The following RUNX1 variants were observed in gnomAD, a reference collection of about 807,000 sequenced individuals.
The protein encoded by RUNX1 is RUNX family transcription factor 1, also known as runt-related transcription factor 1.
Under a neutral mutation model 42.8 loss-of-function variants are expected in RUNX1, and 19 were observed. The ratio of observed to expected loss-of-function variants is 0.44; its 90% CI spans 0.31 to 0.65. The LOEUF is 0.65. Among genes scored for constraint, RUNX1 ranks in the 30% least tolerant of loss-of-function variants. RUNX1 has a pLI of 0.07. For synonymous variants in RUNX1, 271 were observed against 289.4 expected (o/e 0.94, Z 0.64); for missense variants, 528 against 672.0 (o/e 0.79, Z 2.37).
chr21:34,833,442 GCCTGGAAAC>G (rs2057094876), intron 7 of RUNX1: 1 of 152,226 alleles, frequency 6.6e-6, no homozygotes, highest in Non-Finnish European at 1.5e-5. Context: ...AGAGCTACTG[GCCTGGAAAC>G]CCAAAGGAAC....
chr21:34,873,744 A>G (rs1256889433), intron 5 of RUNX1, among the ~76,000 whole-genome samples: 2 of 152,228 alleles, frequency 1.3e-5, no homozygotes, highest in African/African-American at 4.8e-5. Context: ...ATGTACTGGA[A>G]TCCCAAATCA....
At position 34,937,475 on chromosome 21, in the gene RUNX1, G is replaced by T. The variant is rs184428371; in HGVS notation, c.59-44512C>A. On this transcript the variant is annotated intron_variant, in intron 2 of 8. Transcript: ENST00000675419. Reference sequence around the variant, plus strand: ...TCAGTATATACATTTTATCTCCTTTGTAAGATACAACTTAATAATAAATTA... The same window carrying T: ...TCAGTATATACATTTTATCTCCTTTTTAAGATACAACTTAATAATAAATTA... Among the ~76,000 whole-genome samples, 3 of 151,960 alleles carry T rather than the reference G, an allele frequency of 2.0e-5. No individual in the cohort carries two copies. In the East Asian group the frequency reaches 5.8e-4, roughly 29 times the overall value.
chr21:34,952,856 C>G (rs1487330253), intron 2 of RUNX1, among the ~76,000 whole-genome samples: 1 of 152,092 alleles, frequency 6.6e-6, no homozygotes, highest in African/African-American at 2.4e-5. Context: ...GTATGTAGGT[C>G]TTTTTATCTT....
rs116944950 is a variant in RUNX1, at chr21:34,981,297, G to A, written c.58+67545C>T. Among the ~76,000 whole-genome samples, 76 of 152,296 alleles carry A rather than the reference G, an allele frequency of 5.0e-4. No individual in the cohort carries two copies. In the East Asian group the frequency reaches 0.011, roughly 21 times the overall value. ...CCTGGGACACACACTTAATTCTGCT[G>A]GTGACAGAATGACAAATCTGTTATT... is the stretch of plus-strand genomic sequence containing the variant. On this transcript the variant is annotated intron_variant, in intron 2 of 8. Transcript: ENST00000675419.
chr21:34,913,611 T>C (rs566546246), intron 2 of RUNX1, among the ~76,000 whole-genome samples: 1 of 152,270 alleles, frequency 6.6e-6, no homozygotes, highest in African/African-American at 2.4e-5. Flanking sequence ...AATGCATACT[T>C]TGCACCACCC....
intron 2 of RUNX1, among the ~76,000 whole-genome samples, chr21:35,028,223 C>T (rs1333341738): frequency 6.6e-6 from 1 of 152,156 alleles, no homozygotes; most frequent in African/African-American, 2.4e-5. Flanking sequence ...GATGCAGATT[C>T]TTGGGCCTCT....
chr21:34,871,116 C>T (rs536682047), intron 5 of RUNX1, among the ~76,000 whole-genome samples: 104 of 152,282 alleles, frequency 6.8e-4, no homozygotes, highest in Non-Finnish European at 1.3e-3. Flanking sequence ...CCCACTTCCT[C>T]GGGGCTCCTG....
At chr21:34,849,203 A>C (rs1474329226) in intron 6 of RUNX1, among the ~76,000 whole-genome samples, 1 of 124,680 alleles carries the variant, frequency 8.0e-6, no homozygotes, top group Non-Finnish European at 1.6e-5. Flanking sequence ...GATTGATTCC[A>C]TTGTGTTACT....
chr21:34,851,223 G>A (rs1241577607), intron 6 of RUNX1, among the ~76,000 whole-genome samples: 3 of 152,194 alleles, frequency 2.0e-5, no homozygotes, highest in South Asian at 2.1e-4. Flanking sequence ...AAAAAACGAC[G>A]TCTATCTCAT....
At chr21:35,015,221 T>C (rs1207884561) in intron 2 of RUNX1, among the ~76,000 whole-genome samples, 1 of 152,222 alleles carries the variant, frequency 6.6e-6, no homozygotes, top group Non-Finnish European at 1.5e-5. Context: ...GTGGGGATCA[T>C]AATCCTACCT....
chr21:34,829,426 G>A (rs2057033224), intron 7 of RUNX1, among the ~76,000 whole-genome samples: 1 of 151,866 alleles, frequency 6.6e-6, no homozygotes, highest in African/African-American at 2.4e-5. Context: ...CATCCCACTG[G>A]TTTTCATTTC....
intron 7 of RUNX1, among the ~76,000 whole-genome samples, chr21:34,816,465 G>A (rs1170568243): frequency 6.6e-6 from 1 of 152,146 alleles, no homozygotes; most frequent in Non-Finnish European, 1.5e-5. Flanking sequence ...TTACAGCACA[G>A]ATGGTGGAAA....
At chr21:34,926,046 C>T (rs2058390688) in intron 2 of RUNX1, among the ~76,000 whole-genome samples, 1 of 151,974 alleles carries the variant, frequency 6.6e-6, no homozygotes, top group Admixed American at 6.6e-5. Flanking sequence ...CAATTGTTAA[C>T]AGAAGTTATC....
intron 4 of RUNX1, among the ~76,000 whole-genome samples, chr21:34,883,878 A>G (rs2057942144): frequency 6.6e-6 from 1 of 152,266 alleles, no homozygotes; most frequent in Admixed American, 6.5e-5. Context: ...AGTGGAACAC[A>G]GAATTCAGCT....
intron 2 of RUNX1, among the ~76,000 whole-genome samples, chr21:34,997,774 G>C (rs1269081939): frequency 6.6e-6 from 1 of 152,104 alleles, no homozygotes; most frequent in Non-Finnish European, 1.5e-5. Flanking sequence ...GTGCAGAAGG[G>C]GCCTTGCCAG....
At chr21:34,844,106 G>A (rs1369913382) in intron 6 of RUNX1, among the ~76,000 whole-genome samples, 1 of 152,230 alleles carries the variant, frequency 6.6e-6, no homozygotes, top group Non-Finnish European at 1.5e-5. Flanking sequence ...CAGCGTAACT[G>A]AAAAGTAACC....
At chr21:34,930,289 T>TAA (rs1383003842) in intron 2 of RUNX1, among the ~76,000 whole-genome samples, 8 of 137,334 alleles carry the variant, frequency 5.8e-5, no homozygotes, top group African/African-American at 1.6e-4. Flanking sequence ...TATATATATA[T>TAA]ATAAATAAAT....
intron 2 of RUNX1, among the ~76,000 whole-genome samples, chr21:34,962,594 C>A (rs1015849528): frequency 6.6e-6 from 1 of 151,974 alleles, no homozygotes; most frequent in African/African-American, 2.4e-5. Flanking sequence ...TTTTCTTTAC[C>A]ACGCCACCCT....
chr21:34,789,403 G>T lies in RUNX1; in HGVS notation c.*2732C>A. 4.3e-6 allele frequency: 1 copy of T among 233,724 alleles called. No homozygotes were observed. The highest frequency in any genetic ancestry group is 8.5e-6 in the Non-Finnish European group (1 of 118,098). 14.5% of individuals were successfully genotyped at this position (233,724 alleles called of 1,614,324 possible). A position where few individuals can be genotyped will look rare whatever the true frequency, so the allele number is the denominator to read the frequency against. On this transcript the variant is annotated 3_prime_UTR_variant, in exon 9 of 9. Transcript: ENST00000675419. ...AGAAAGAACTGAAATATGTATCCATGTTGAAATCATAAATAGGGACATGAG... is the reference window on the plus strand; with the variant it reads ...AGAAAGAACTGAAATATGTATCCATTTTGAAATCATAAATAGGGACATGAG...
Sources: gnomAD v4.1 joint callset for allele counts (sites outside exome capture counted in the v4.1 genomes callset) on GRCh38, gnomAD v4.1.1 for gene constraint, MANE v1.5 for transcripts, NCBI Gene and HGNC (gene_info 2026-07-23, HGNC 2026-07-21) for gene names.